The following EIF4G3 variants were observed in gnomAD, a reference collection of about 807,000 sequenced individuals.
EIF4G3 encodes eukaryotic translation initiation factor 4 gamma 3.
Under a neutral mutation model 186.4 loss-of-function variants are expected in EIF4G3, and 34 were observed. That is an observed-to-expected ratio of 0.18 (90% CI 0.14 to 0.24). The LOEUF is 0.24. Among genes scored for constraint, EIF4G3 ranks in the 10% least tolerant of loss-of-function variants. EIF4G3 has a pLI of 1.00. For synonymous variants in EIF4G3, 673 were observed against 679.5 expected (o/e 0.99, Z 0.15); for missense variants, 1,536 against 1,948.5 (o/e 0.79, Z 3.99).
At chr1:20,984,162 A>AT (rs939177298) in intron 7 of EIF4G3, among the ~76,000 whole-genome samples, 17 of 151,658 alleles carry the variant, frequency 1.1e-4, no homozygotes, top group African/African-American at 3.6e-4. Flanking sequence ...TGATATACTA[A>AT]TTTTTTTTTC....
At chr1:20,973,272 A>C (rs2076240420) in intron 10 of EIF4G3, among the ~76,000 whole-genome samples, 173 bp from the exon 11 acceptor site, 1 of 152,250 alleles carries the variant, frequency 6.6e-6, no homozygotes, top group Non-Finnish European at 1.5e-5. Context: ...AGTGGTCAAG[A>C]AATTATTCCC....
chr1:20,834,226 A>G (rs1330308666), intron 30 of EIF4G3, among the ~76,000 whole-genome samples: 1 of 152,140 alleles, frequency 6.6e-6, no homozygotes, highest in East Asian at 1.9e-4. Context: ...AGGCAGGAGG[A>G]TCAATTGAGC....
chr1:20,829,182 T>C lies in EIF4G3; in HGVS notation c.4152A>G (p.Leu1384=). Residue 1384 remains leucine, a synonymous_variant, in exon 31 of 37, where the codon TTA becomes TTG. Coordinates refer to ENST00000602326, the MANE Select transcript of EIF4G3 (RefSeq NM_001391906.1). The part of the protein sequence containing the change: ...LYLAELVTPM[L]KEGGISMREL... Reference sequence around the variant, plus strand: ...CTCTCATGGAGATTCCACCTTCTTTTAACATGGGGGTCACCAGTTCAGCAA... The same window carrying C: ...CTCTCATGGAGATTCCACCTTCTTTCAACATGGGGGTCACCAGTTCAGCAA... The C allele has an allele frequency of 6.2e-7, 1 of 1,613,968 alleles. No homozygotes were observed. Among genetic ancestry groups the C allele is most frequent in the East Asian group, 2.2e-5 (1 of 44,868 alleles).
In EIF4G3 at chr1:20,919,999, C is replaced by T. The variant is rs374573408; in HGVS notation, c.1664-15028G>A. ...TGGGCTCACTACAACCTCCACCTCC[C>T]GGGTTCAAGTGATTCTCCTGCCTAA... On this transcript the variant is annotated intron_variant, in intron 14 of 36. Coordinates refer to ENST00000602326, the MANE Select transcript of EIF4G3 (RefSeq NM_001391906.1). Among the ~76,000 whole-genome samples, 5 of 144,586 alleles carry T rather than the reference C, an allele frequency of 3.5e-5. No individual in the cohort carries two copies. In the East Asian group the frequency reaches 7.8e-4, roughly 22 times the overall value. The allele number at this position is 144,586 out of a possible 152,430, so 94.9% of individuals were successfully genotyped here.
At chr1:21,129,129 A>G (rs1236482264) in intron 2 of EIF4G3, among the ~76,000 whole-genome samples, 2 of 151,810 alleles carry the variant, frequency 1.3e-5, no homozygotes, top group Admixed American at 6.6e-5. Context: ...CCTGGCCAAC[A>G]TGGTGAAACC....
intron 2 of EIF4G3, among the ~76,000 whole-genome samples, chr1:21,160,621 G>A (rs933880988): frequency 3.3e-5 from 5 of 152,156 alleles, no homozygotes; most frequent in African/African-American, 1.2e-4. Context: ...GAGAAGGAAT[G>A]CATAACCTCG....
At position 20,941,711 on chromosome 1, in the gene EIF4G3, AGGAGAAGCT is replaced by A. The variant is rs748023913; in HGVS notation, c.1434_1442del (p.Ala479_Pro481del). The A allele has an allele frequency of 5.0e-6, 8 of 1,612,154 alleles. No homozygotes were observed. Among genetic ancestry groups the A allele is most frequent in the East Asian group, 2.2e-5 (1 of 44,886 alleles). ...CAGGAACAATGACTGGAGTGTGAGG[AGGAGAAGCT>A]GGAGGAGTTGGAGGAGTTGGAGGAA... On this transcript the variant is annotated inframe_deletion, in exon 14 of 37. Coordinates refer to ENST00000602326, the MANE Select transcript of EIF4G3 (RefSeq NM_001391906.1).
At chr1:20,961,652 A>G (rs1371651738) in intron 12 of EIF4G3, among the ~76,000 whole-genome samples, 1 of 152,190 alleles carries the variant, frequency 6.6e-6, no homozygotes, top group Non-Finnish European at 1.5e-5. Context: ...TCTATGAAAC[A>G]GCATAACAAA....
At chr1:21,120,938 G>C (rs1416418053) in intron 2 of EIF4G3, among the ~76,000 whole-genome samples, 1 of 152,106 alleles carries the variant, frequency 6.6e-6, no homozygotes, top group Non-Finnish European at 1.5e-5. Context: ...GGGTGTTTTT[G>C]AGACAAGGTC....
At chr1:21,113,675 A>G (rs2096767370) in intron 2 of EIF4G3, among the ~76,000 whole-genome samples, 1 of 152,146 alleles carries the variant, frequency 6.6e-6, no homozygotes. Flanking sequence ...ATACTGGTGC[A>G]CTGTTATACA....
chr1:21,008,327 T>C (rs1005022320), intron 4 of EIF4G3, among the ~76,000 whole-genome samples: 2 of 143,510 alleles, frequency 1.4e-5, no homozygotes, highest in African/African-American at 5.0e-5. Context: ...CTGTTTCACT[T>C]ATTTTAATCT....
chr1:20,857,285 T>G, intron 25 of EIF4G3, 118 bp downstream of exon 25: 1 of 831,434 alleles, frequency 1.2e-6, no homozygotes. Context: ...CTGTTTTACT[T>G]TAATAAGTAC....
chr1:20,964,904 G>C (rs1329564666), intron 12 of EIF4G3, among the ~76,000 whole-genome samples: 1 of 152,154 alleles, frequency 6.6e-6, no homozygotes, highest in East Asian at 1.9e-4. Context: ...GGAAGCCTAA[G>C]GGAGGACATG....
At position 20,944,575 on chromosome 1, in the gene EIF4G3, CAG is replaced by C. The variant is rs949877596; in HGVS notation, c.824-2247_824-2246del. ...AGAGAGGGGGAGCGGGGTGGGGGGA[CAG>C]AGAGAGAGAGAAAAAGAGAAATTGA... is the stretch of plus-strand genomic sequence containing the variant. On this transcript the variant is annotated intron_variant, in intron 13 of 36. Transcript: ENST00000602326. 1.0e-3 allele frequency among the ~76,000 whole-genome samples: 152 copies of C among 150,130 alleles called. 1 individual carries two copies. Among genetic ancestry groups the C allele is most frequent in the East Asian group, 5.9e-4 (3 of 5,108 alleles).
At chr1:20,976,942 G>C (rs2076970179) in intron 10 of EIF4G3, among the ~76,000 whole-genome samples, 1 of 151,924 alleles carries the variant, frequency 6.6e-6, no homozygotes, top group African/African-American at 2.4e-5. Flanking sequence ...TATTTTAAAA[G>C]AAATGAGAGA....
At chr1:20,938,841 G>A (rs2095606592) in intron 14 of EIF4G3, among the ~76,000 whole-genome samples, 1 of 152,188 alleles carries the variant, frequency 6.6e-6, no homozygotes, top group African/African-American at 2.4e-5. Flanking sequence ...AGGTGTGGTG[G>A]CTCATGCCTG....
chr1:20,902,793 A>T (rs4654730), intron 15 of EIF4G3, among the ~76,000 whole-genome samples: 53,998 of 151,954 alleles, frequency 0.36, 10,193 homozygotes, highest in Non-Finnish European at 0.41. Context: ...GGCGCGCGCC[A>T]CCACGGCCAG....
At chr1:20,977,758 A>T (rs752437112) in intron 10 of EIF4G3, among the ~76,000 whole-genome samples, 12 of 152,206 alleles carry the variant, frequency 7.9e-5, no homozygotes, top group Admixed American at 1.3e-4. Context: ...ATCTAATAGA[A>T]ATAAAGCCAA....
chr1:20,824,690 G>A (rs2063173953), intron 33 of EIF4G3, among the ~76,000 whole-genome samples: 1 of 152,160 alleles, frequency 6.6e-6, no homozygotes, highest in Admixed American at 6.5e-5. Context: ...ATTTACCTGT[G>A]TAGTTTCAAG....
Sources: gnomAD v4.1 joint callset for allele counts (sites outside exome capture counted in the v4.1 genomes callset) on GRCh38, gnomAD v4.1.1 for gene constraint, MANE v1.5 for transcripts, NCBI Gene and HGNC (gene_info 2026-07-23, HGNC 2026-07-21) for gene names.